The following UVRAG variants were observed in gnomAD, a reference collection of about 807,000 sequenced individuals.
UVRAG encodes the protein UV radiation resistance associated.
A neutral mutation model predicts 78.0 loss-of-function variants in UVRAG; 19 were observed. The ratio of observed to expected loss-of-function variants is 0.24; its 90% CI spans 0.17 to 0.36. The LOEUF is 0.36. Ranked by LOEUF, UVRAG falls within the 10% of genes least tolerant of loss-of-function variation. The pLI is 1.00. For synonymous variants in UVRAG, 323 were observed against 324.6 expected (o/e 1.00, Z 0.05); for missense variants, 740 against 853.8 (o/e 0.87, Z 1.66).
chr11:76,072,914 G>A (rs1951341176), intron 13 of UVRAG, among the ~76,000 whole-genome samples: 1 of 152,108 alleles, frequency 6.6e-6, no homozygotes, highest in African/African-American at 2.4e-5. Flanking sequence ...AGGTCTGGGA[G>A]GGCGGAATTA....
At chr11:75,918,701 T>A (rs1049363817) in intron 6 of UVRAG, among the ~76,000 whole-genome samples, 1 of 152,208 alleles carries the variant, frequency 6.6e-6, no homozygotes, top group African/African-American at 2.4e-5. Flanking sequence ...GTATTAGCCC[T>A]ATCGCAGTGT....
At chr11:75,853,552 G>C (rs1046547204) in intron 2 of UVRAG, among the ~76,000 whole-genome samples, 8 of 151,708 alleles carry the variant, frequency 5.3e-5, no homozygotes, top group Non-Finnish European at 1.0e-4. Flanking sequence ...GTAGAGATGG[G>C]GTTTCACCAT....
At chr11:75,869,763 A>T (rs1240292215) in intron 3 of UVRAG, among the ~76,000 whole-genome samples, 1 of 152,196 alleles carries the variant, frequency 6.6e-6, no homozygotes, top group Non-Finnish European at 1.5e-5. Flanking sequence ...AAGAGAGTTT[A>T]TTGTGTTAAT....
intron 6 of UVRAG, among the ~76,000 whole-genome samples, chr11:75,917,694 C>G (rs181903518): frequency 1.0e-3 from 152 of 152,272 alleles, no homozygotes; most frequent in African/African-American, 3.4e-3. Context: ...ACTCCTCTTC[C>G]TTTTCTTTTC....
intron 9 of UVRAG, 74 bp downstream of exon 9, chr11:76,004,163 T>C (rs772540765): frequency 7.2e-5 from 103 of 1,434,278 alleles, no homozygotes; most frequent in Non-Finnish European, 9.5e-5. Flanking sequence ...AGTAGCATTC[T>C]TTAAAGCTGC....
At chr11:75,818,159 C>T (rs1205248214) in intron 1 of UVRAG, among the ~76,000 whole-genome samples, 1 of 152,090 alleles carries the variant, frequency 6.6e-6, no homozygotes, top group Non-Finnish European at 1.5e-5. Context: ...CTCTGTTTTT[C>T]CTTTTTCTCT....
At chr11:75,919,376 C>T (rs1387304225) in intron 6 of UVRAG, among the ~76,000 whole-genome samples, 1 of 152,152 alleles carries the variant, frequency 6.6e-6, no homozygotes, top group Non-Finnish European at 1.5e-5. Flanking sequence ...GGCTCTTACC[C>T]AGTTTCTGTA....
chr11:75,987,741 GT>G (rs556483110), intron 8 of UVRAG, among the ~76,000 whole-genome samples: 62 of 143,116 alleles, frequency 4.3e-4, no homozygotes, highest in East Asian at 8.0e-4. Flanking sequence ...TGCATTAACT[GT>G]TTTTTTTTTT....
At chr11:75,841,774 C>A (rs976005179) in intron 1 of UVRAG, among the ~76,000 whole-genome samples, 1 of 152,178 alleles carries the variant, frequency 6.6e-6, no homozygotes, top group Non-Finnish European at 1.5e-5. Context: ...TTGTCCTTAC[C>A]CGTGTCAACC....
chr11:76,061,191 C>T (rs901363638), intron 12 of UVRAG, among the ~76,000 whole-genome samples: 1 of 152,142 alleles, frequency 6.6e-6, no homozygotes, highest in Non-Finnish European at 1.5e-5. Context: ...TATCTAGCTA[C>T]TCTGGTGGGG....
rs116949091 is a variant in UVRAG, at chr11:75,949,527, T to C, written c.594-11917T>C. Among the ~76,000 whole-genome samples, 50 of 152,176 alleles carry C rather than the reference T, an allele frequency of 3.3e-4. No individual in the cohort carries two copies. In the East Asian group the frequency reaches 9.1e-3, roughly 28 times the overall value. Reference sequence around the variant, plus strand: ...ATATTCAACACATCCTCTTGGATGTTACACAGGCACCTCCAACTGAAAATA... The same window carrying C: ...ATATTCAACACATCCTCTTGGATGTCACACAGGCACCTCCAACTGAAAATA... On this transcript the variant is annotated intron_variant, in intron 6 of 14. Transcript: ENST00000356136.
intron 1 of UVRAG, among the ~76,000 whole-genome samples, chr11:75,821,846 A>G (rs189164821): frequency 8.6e-5 from 13 of 151,380 alleles, no homozygotes; most frequent in Admixed American, 4.6e-4. Flanking sequence ...TTTTCTTATG[A>G]TTAGACTAGG....
rs528031401 is a variant in UVRAG at position 76,063,344 on chromosome 11, A to C, written c.1227-2366A>C. Among the ~76,000 whole-genome samples the C allele has an allele frequency of 7.9e-5, 12 of 152,338 alleles. No homozygotes were observed. The South Asian group carries it at 8.3e-4, about 11-fold the overall frequency. ...CCAGTTTGATAGTTCACAATGATAC[A>C]AGTATTTACAGTAGATAAAGGTGGG... On this transcript the variant is annotated intron_variant, in intron 12 of 14. Coordinates refer to ENST00000356136, the MANE Select transcript of UVRAG (RefSeq NM_003369.4).
chr11:75,956,388 C>CTT lies in UVRAG; in HGVS notation c.594-5041_594-5040dup, dbSNP rs1319171839. ...GTGCAAAAGTAATTGCAATTCTTGC[C>CTT]TTTTTTTTTTTTTTTTGAGATGGAA... On this transcript the variant is annotated intron_variant, in intron 6 of 14. Transcript: ENST00000356136. 1.6e-3 allele frequency among the ~76,000 whole-genome samples: 204 copies of CTT among 128,760 alleles called. 3 individuals carry two copies. Among genetic ancestry groups the CTT allele is most frequent in the East Asian group, 0.016 (70 of 4,496 alleles). 84.5% of individuals were successfully genotyped at this position (128,760 alleles called of 152,430 possible).
At chr11:75,926,242 T>C (rs1488129453) in intron 6 of UVRAG, among the ~76,000 whole-genome samples, 1 of 152,204 alleles carries the variant, frequency 6.6e-6, no homozygotes, top group Non-Finnish European at 1.5e-5. Flanking sequence ...TATGACCACA[T>C]AGGTCTTTTT....
intron 4 of UVRAG, among the ~76,000 whole-genome samples, chr11:75,888,142 T>C (rs376162545): frequency 1.8e-4 from 27 of 152,290 alleles, no homozygotes; most frequent in African/African-American, 5.5e-4. Context: ...TCATTTTTTT[T>C]CTTATTTTTA....
rs571593882 is a variant in UVRAG, at chr11:76,045,144, C to G, written c.1227-20566C>G. 1.9e-4 allele frequency among the ~76,000 whole-genome samples: 29 copies of G among 152,242 alleles called. No individual in the cohort carries two copies. The South Asian group carries it at 5.8e-3, about 31-fold the overall frequency. Reference sequence around the variant, plus strand: ...AACCTGATGTTTACTCTAGAGAGGTCGAACTAGACTAATGCTGGATTCAGA... The same window carrying G: ...AACCTGATGTTTACTCTAGAGAGGTGGAACTAGACTAATGCTGGATTCAGA... On this transcript the variant is annotated intron_variant, in intron 12 of 14. Transcript: ENST00000356136.
chr11:76,054,326 C>A (rs577558581), intron 12 of UVRAG, among the ~76,000 whole-genome samples: 1 of 152,168 alleles, frequency 6.6e-6, no homozygotes, highest in African/African-American at 2.4e-5. Context: ...CCTCCACAGC[C>A]ACCATCTTGG....
chr11:76,085,534 T>C (rs2134417725), intron 13 of UVRAG, among the ~76,000 whole-genome samples: 1 of 152,344 alleles, frequency 6.6e-6, no homozygotes, highest in South Asian at 2.1e-4. Flanking sequence ...TATCAAGACA[T>C]TCTGGATGAA....
Sources: allele counts gnomAD v4.1 joint callset (sites outside exome capture counted in the v4.1 genomes callset), GRCh38; gene constraint gnomAD v4.1.1; transcripts MANE v1.5; gene names NCBI Gene and HGNC (gene_info 2026-07-23, HGNC 2026-07-21).